NDFIP1: variants seen among roughly 807,000 people sequenced by gnomAD.
NDFIP1 encodes Nedd4 family interacting protein 1, also known as NEDD4 family-interacting protein 1.
Under a neutral mutation model 28.8 loss-of-function variants are expected in NDFIP1, and 7 were observed. The observed-to-expected ratio is 0.24, with a 90% CI of 0.14 to 0.46. The LOEUF (loss-of-function observed/expected upper bound fraction) is 0.46. NDFIP1 is among the 20% of genes least tolerant of loss of function. NDFIP1 has a pLI of 0.99. For synonymous variants in NDFIP1, 92 were observed against 101.0 expected (o/e 0.91, Z 0.53); for missense variants, 194 against 269.1 (o/e 0.72, Z 1.95).
intron 7 of NDFIP1, among the ~76,000 whole-genome samples, chr5:142,149,757 A>C (rs560952126): frequency 1.3e-5 from 2 of 152,218 alleles, no homozygotes; most frequent in Admixed American, 1.3e-4. Context: ...TGAGGGATCT[A>C]TTAAAGCTGT....
intron 7 of NDFIP1, among the ~76,000 whole-genome samples, chr5:142,147,070 C>T (rs1757396631): frequency 6.6e-6 from 1 of 152,058 alleles, no homozygotes; most frequent in South Asian, 2.1e-4. Context: ...TGAATGCACA[C>T]CATTGGAGGG....
chr5:142,131,632 T>C (rs1757228302), intron 1 of NDFIP1, among the ~76,000 whole-genome samples, 176 bp from the exon 2 acceptor site: 1 of 152,232 alleles, frequency 6.6e-6, no homozygotes, highest in South Asian at 2.1e-4. Flanking sequence ...TCTTTGAATA[T>C]TTCCATAGAA....
intron 1 of NDFIP1, among the ~76,000 whole-genome samples, chr5:142,126,414 C>A (rs1248866145): frequency 6.6e-6 from 1 of 152,130 alleles, no homozygotes; most frequent in Non-Finnish European, 1.5e-5. Context: ...TTGAAACTTA[C>A]AAGAATTTTC....
At chr5:142,132,174 C>T in intron 2 of NDFIP1, 38 bp from the exon 3 acceptor site, 1 of 1,602,914 alleles carries the variant, frequency 6.2e-7, no homozygotes, top group East Asian at 2.2e-5. Flanking sequence ...TTCAATTCAG[C>T]TAATCATCAA....
intron 1 of NDFIP1, among the ~76,000 whole-genome samples, chr5:142,109,921 C>T (rs1756995558): frequency 6.6e-6 from 1 of 152,134 alleles, no homozygotes; most frequent in Non-Finnish European, 1.5e-5. Context: ...AGGTGGTAAA[C>T]TGATGTTGAT....
chr5:142,114,822 T>A (rs1757049341), intron 1 of NDFIP1, among the ~76,000 whole-genome samples: 1 of 152,218 alleles, frequency 6.6e-6, no homozygotes, highest in Non-Finnish European at 1.5e-5. Context: ...TCATGCTTTG[T>A]TTTTGTAGCA....
In NDFIP1 at chr5:142,144,571, G is replaced by T; in HGVS notation, c.563G>T (p.Gly188Val). 2.5e-6 allele frequency: 4 copies of T among 1,596,086 alleles called. No homozygotes were observed. The highest frequency in any genetic ancestry group is 1.7e-4 in the Middle Eastern group (1 of 5,960). ...YWLWWVFLVL[G>V]FLLFLRGFIN... ...TCATGACTTTTCTTTTTTAAATTAG[G>T]CTTTCTCCTGTTTCTCAGAGGATTT... The change falls in exon 7 of 8, where the codon GGC becomes GTC. Residue 188 changes from glycine to valine, a missense_variant and splice_region_variant. Transcript: ENST00000253814.
At chr5:142,146,541 G>A (rs1443720992) in intron 7 of NDFIP1, among the ~76,000 whole-genome samples, 1 of 152,166 alleles carries the variant, frequency 6.6e-6, no homozygotes, top group African/African-American at 2.4e-5. Flanking sequence ...GAAGGGTGCT[G>A]AAATCACCTA....
intron 1 of NDFIP1, among the ~76,000 whole-genome samples, chr5:142,122,762 A>T (rs1596784896): frequency 6.6e-6 from 1 of 152,194 alleles, no homozygotes; most frequent in African/African-American, 2.4e-5. Flanking sequence ...GGCCATTTAG[A>T]TATCTTTTTT....
At chr5:142,128,497 T>C (rs1010427864) in intron 1 of NDFIP1, among the ~76,000 whole-genome samples, 4 of 152,178 alleles carry the variant, frequency 2.6e-5, no homozygotes, top group Non-Finnish European at 5.9e-5. Flanking sequence ...AAGATGTATA[T>C]TTAAGGATTC....
intron 2 of NDFIP1, 62 bp downstream of exon 2, chr5:142,131,957 G>A: frequency 1.5e-6 from 2 of 1,349,682 alleles, no homozygotes; most frequent in Non-Finnish European, 2.0e-6. Flanking sequence ...TGACATTACA[G>A]TTTAAAAAAA....
At chr5:142,148,370 A>T (rs1273950930) in intron 7 of NDFIP1, among the ~76,000 whole-genome samples, 1 of 152,180 alleles carries the variant, frequency 6.6e-6, no homozygotes, top group Non-Finnish European at 1.5e-5. Flanking sequence ...GGAGGGAAAA[A>T]TGTATTAATA....
chr5:142,110,911 T>G (rs1480478960), intron 1 of NDFIP1, among the ~76,000 whole-genome samples: 1 of 152,060 alleles, frequency 6.6e-6, no homozygotes, highest in Non-Finnish European at 1.5e-5. Context: ...TTGTTCTCAT[T>G]GTCAAAGACT....
chr5:142,116,518 G>A (rs961822384), intron 1 of NDFIP1, among the ~76,000 whole-genome samples: 4 of 151,824 alleles, frequency 2.6e-5, no homozygotes, highest in Non-Finnish European at 5.9e-5. Context: ...ACAGGTGCCC[G>A]CCAGCAGGCC....
intron 3 of NDFIP1, among the ~76,000 whole-genome samples, chr5:142,133,210 T>C (rs1757243250): frequency 6.6e-6 from 1 of 152,166 alleles, no homozygotes; most frequent in South Asian, 2.1e-4. Flanking sequence ...TTGGTAGAAA[T>C]AGTTTATGAG....
chr5:142,147,592 T>G (rs1434095553), intron 7 of NDFIP1, among the ~76,000 whole-genome samples: 1 of 152,230 alleles, frequency 6.6e-6, no homozygotes, highest in Non-Finnish European at 1.5e-5. Flanking sequence ...ATTTCTTTGT[T>G]GCAGCATTGT....
intron 1 of NDFIP1, among the ~76,000 whole-genome samples, chr5:142,119,698 GCTTT>G (rs1369213111): frequency 6.6e-6 from 1 of 151,664 alleles, no homozygotes; most frequent in Non-Finnish European, 1.5e-5. Context: ...GATCATGTTT[GCTTT>G]CTTTTTAAAG....
chr5:142,109,484 C>T (rs923280164), intron 1 of NDFIP1, among the ~76,000 whole-genome samples: 1 of 152,208 alleles, frequency 6.6e-6, no homozygotes, highest in African/African-American at 2.4e-5. Context: ...CAGCAAGATG[C>T]TATTGCTCAG....
At position 142,117,235 on chromosome 5, in the gene NDFIP1, T is replaced by C. The variant is rs1480877106; in HGVS notation, c.63+8198T>C. Among the ~76,000 whole-genome samples, 3 of 138,784 alleles carry C rather than the reference T, an allele frequency of 2.2e-5. No homozygotes were observed. The East Asian group carries it at 6.5e-4, about 30-fold the overall frequency. 91.0% of individuals were successfully genotyped at this position (138,784 alleles called of 152,430 possible). ...GGTGCCTGTTTAATAATGATTTCAT[T>C]TTCTTTTTTTGCTTTTTTTTTTTTT... On this transcript the variant is annotated intron_variant, in intron 1 of 7. Coordinates refer to ENST00000253814, the MANE Select transcript of NDFIP1 (RefSeq NM_030571.4).
Sources: allele counts gnomAD v4.1 joint callset (sites outside exome capture counted in the v4.1 genomes callset), GRCh38; gene constraint gnomAD v4.1.1; transcripts MANE v1.5; gene names NCBI Gene and HGNC (gene_info 2026-07-23, HGNC 2026-07-21).